The following ERC2 variants were observed in gnomAD, a reference collection of about 807,000 sequenced individuals.
ERC2 encodes the protein ERC protein 2.
ERC2 carries 42 observed loss-of-function variants against 114.8 expected under a neutral mutation model. That is an observed-to-expected ratio of 0.37 (90% CI 0.29 to 0.47). The LOEUF is 0.47. Ranked by LOEUF, ERC2 falls within the 20% of genes least tolerant of loss-of-function variation. ERC2 has a pLI of 0.99. For missense variants in ERC2, 939 were observed against 1,150.7 expected (o/e 0.82, Z 2.66); for synonymous variants, 454 against 425.5 (o/e 1.07, Z -0.82).
intron 1 of ERC2, among the ~76,000 whole-genome samples, chr3:56,444,125 C>A (rs1050705522): frequency 6.7e-6 from 1 of 149,908 alleles, no homozygotes; most frequent in African/African-American, 2.4e-5. Flanking sequence ...CCACACCTGG[C>A]TAATTTTTTT....
intron 13 of ERC2, among the ~76,000 whole-genome samples, chr3:55,948,846 A>G (rs1432063642): frequency 6.6e-6 from 1 of 152,236 alleles, no homozygotes; most frequent in African/African-American, 2.4e-5. Flanking sequence ...CATATAGTAA[A>G]CAAATCGTTT....
At chr3:55,953,166 C>T (rs982242925) in intron 12 of ERC2, among the ~76,000 whole-genome samples, 10 of 150,166 alleles carry the variant, frequency 6.7e-5, no homozygotes, top group African/African-American at 2.5e-4. Context: ...GATCACACCA[C>T]TGCACTCCAG....
intron 14 of ERC2, among the ~76,000 whole-genome samples, chr3:55,738,048 A>G (rs920885357): frequency 6.6e-5 from 10 of 152,148 alleles, no homozygotes; most frequent in African/African-American, 2.4e-4. Flanking sequence ...ACTTGGAGCT[A>G]GGAAAATTGA....
At chr3:56,188,713 C>T (rs942002803) in intron 3 of ERC2, among the ~76,000 whole-genome samples, 4 of 152,200 alleles carry the variant, frequency 2.6e-5, no homozygotes, top group Non-Finnish European at 2.9e-5. Flanking sequence ...ACCATGGGAA[C>T]AAGCTGGTCC....
At chr3:56,122,458 T>C (rs1233864203) in intron 6 of ERC2, among the ~76,000 whole-genome samples, 9 of 152,192 alleles carry the variant, frequency 5.9e-5, no homozygotes, top group Non-Finnish European at 1.2e-4. Flanking sequence ...TGTTTTACCT[T>C]AAAAAAATTT....
At chr3:55,750,306 C>T (rs965401329) in intron 14 of ERC2, among the ~76,000 whole-genome samples, 4 of 151,986 alleles carry the variant, frequency 2.6e-5, no homozygotes, top group Non-Finnish European at 5.9e-5. Context: ...AAGTAAAGTA[C>T]GTTGTTTCAT....
At chr3:55,925,796 T>C (rs1046279095) in intron 13 of ERC2, among the ~76,000 whole-genome samples, 12 of 152,296 alleles carry the variant, frequency 7.9e-5, no homozygotes, top group African/African-American at 2.2e-4. Flanking sequence ...CAAACGACCA[T>C]ATGATGCTAC....
intron 15 of ERC2, among the ~76,000 whole-genome samples, chr3:55,734,432 C>T (rs1278190195): frequency 6.6e-6 from 1 of 151,962 alleles, no homozygotes; most frequent in African/African-American, 2.4e-5. Flanking sequence ...AGAATTTTGC[C>T]CAGAATTTAA....
At chr3:56,378,223 A>G (rs1357037814) in intron 2 of ERC2, among the ~76,000 whole-genome samples, 1 of 150,012 alleles carries the variant, frequency 6.7e-6, no homozygotes. Flanking sequence ...CATATACACC[A>G]TGGAATACTA....
At chr3:56,173,796 G>A (rs1010408739) in intron 3 of ERC2, 15 of 367,262 alleles carry the variant, frequency 4.1e-5, no homozygotes, top group Middle Eastern at 7.0e-4. Context: ...TCCAAATACT[G>A]TTCAACACTG....
At chr3:56,221,701 G>A (rs1003390768) in intron 3 of ERC2, among the ~76,000 whole-genome samples, 3 of 152,096 alleles carry the variant, frequency 2.0e-5, no homozygotes, top group Non-Finnish European at 2.9e-5. Context: ...TCAGGAGATC[G>A]AGACCATCCT....
At chr3:55,768,624 G>C (rs1297568352) in intron 14 of ERC2, among the ~76,000 whole-genome samples, 2 of 152,164 alleles carry the variant, frequency 1.3e-5, no homozygotes, top group Non-Finnish European at 2.9e-5. Flanking sequence ...AGGGATGGAG[G>C]ACATGGGGCC....
chr3:56,299,232 T>C (rs6789205), intron 2 of ERC2, among the ~76,000 whole-genome samples: 2,474 of 149,642 alleles, frequency 0.017, 67 homozygotes, highest in African/African-American at 0.058. Flanking sequence ...GGTTCACGCC[T>C]TTCTGCTGCC....
At chr3:55,775,584 A>G (rs376986074) in intron 14 of ERC2, among the ~76,000 whole-genome samples, 16 of 148,176 alleles carry the variant, frequency 1.1e-4, no homozygotes, top group African/African-American at 4.1e-4. Flanking sequence ...AAATAAATAA[A>G]AAAGGAAAAA....
Position 56,042,388 on chromosome 3 carries a change from T to G in ERC2, c.1642-23357A>C, listed in dbSNP as rs140572635. Among the ~76,000 whole-genome samples, 101 of 152,314 alleles carry G rather than the reference T, an allele frequency of 6.6e-4. 2 individuals carry two copies. In the East Asian group the frequency reaches 0.018, roughly 28 times the overall value. On this transcript the variant is annotated intron_variant, in intron 7 of 17. Transcript: ENST00000288221. ...TTCCTAATACCACTAAGATCTGCAT[T>G]CCTATCGTGGGGCTGGCACATAGGA...
intron 2 of ERC2, among the ~76,000 whole-genome samples, chr3:56,351,077 G>C (rs978214082): frequency 2.0e-5 from 3 of 151,990 alleles, no homozygotes; most frequent in Non-Finnish European, 2.9e-5. Context: ...GCAGACAGAG[G>C]AAAGAAAAAG....
intron 12 of ERC2, among the ~76,000 whole-genome samples, chr3:55,975,954 T>C (rs1255054113): frequency 6.6e-6 from 1 of 152,204 alleles, no homozygotes; most frequent in African/African-American, 2.4e-5. Flanking sequence ...CTCTCTCCTC[T>C]GAATGTCCAT....
intron 14 of ERC2, among the ~76,000 whole-genome samples, chr3:55,828,567 C>A (rs1424047794): frequency 6.6e-6 from 1 of 151,948 alleles, no homozygotes; most frequent in Non-Finnish European, 1.5e-5. Flanking sequence ...GCCCTGTGGG[C>A]TGCAGACTGT....
chr3:55,634,534 A>G (rs1215979109), intron 17 of ERC2, among the ~76,000 whole-genome samples: 1 of 152,236 alleles, frequency 6.6e-6, no homozygotes, highest in Non-Finnish European at 1.5e-5. Flanking sequence ...AGAGGAATGA[A>G]TCAGTCTGAT....
Sources: allele counts gnomAD v4.1 joint callset (sites outside exome capture counted in the v4.1 genomes callset), GRCh38; gene constraint gnomAD v4.1.1; transcripts MANE v1.5; gene names NCBI Gene and HGNC (gene_info 2026-07-23, HGNC 2026-07-21).